SMCR8: variants seen among roughly 807,000 people sequenced by gnomAD.
SMCR8 encodes SMCR8-C9orf72 complex subunit.
A neutral mutation model predicts 56.6 loss-of-function variants in SMCR8; 30 were observed. That is an observed-to-expected ratio of 0.53 (90% CI 0.40 to 0.72). The LOEUF (loss-of-function observed/expected upper bound fraction) is 0.72, where lower values mean the gene tolerates loss of function less well. Among genes scored for constraint, SMCR8 ranks in the 30% least tolerant of loss-of-function variants. SMCR8 has a pLI of 0.00. For missense variants in SMCR8, 1,198 were observed against 1,157.0 expected (o/e 1.04, Z -0.51); for synonymous variants, 538 against 456.0 (o/e 1.18, Z -2.29).
chr17:18,315,660 C>A lies in SMCR8; in HGVS notation c.-130C>A. 1 of 848,710 alleles carries A rather than the reference C, an allele frequency of 1.2e-6. No individual in the cohort carries two copies. The highest frequency in any genetic ancestry group is 2.5e-5 in the East Asian group (1 of 40,706). The allele number at this position is 848,710 out of a possible 1,614,324, so 52.6% of individuals were successfully genotyped here. On this transcript the variant is annotated 5_prime_UTR_variant, in exon 1 of 2. Coordinates refer to ENST00000406438, the MANE Select transcript of SMCR8 (RefSeq NM_144775.3). Reference sequence around the variant, plus strand: ...GTGTGTGAGAAGCAGCCTAGGACCCCGGGTTCGGGGAGTCGCAAAGAAGGC... The same window carrying A: ...GTGTGTGAGAAGCAGCCTAGGACCCAGGGTTCGGGGAGTCGCAAAGAAGGC...
At position 18,316,911 on chromosome 17, in the gene SMCR8, C is replaced by G; in HGVS notation, c.1122C>G (p.Asp374Glu). Residue 374 changes from aspartate to glutamate, a missense_variant, in exon 1 of 2, where the codon GAC becomes GAG. Asp to Glu is a conservative substitution (Grantham distance 45). Transcript: ENST00000406438. The stretch of plus-strand genomic sequence containing the variant: ...ATATAACAAACTTTCTCTTTGAAGA[C>G]TTTGTGGAGGTCGATGACAGGATGG... ...QQHITNFLFE[D>E]FVEVDDRMVE... 1 of 1,614,188 alleles carries G rather than the reference C, an allele frequency of 6.2e-7. No homozygotes were observed. The highest frequency in any genetic ancestry group is 8.5e-7 in the Non-Finnish European group (1 of 1,180,036).
rs144205352 is a variant in SMCR8, at chr17:18,317,673, A to G, written c.1884A>G (p.Val628=). 135 of 1,614,122 alleles carry G rather than the reference A, an allele frequency of 8.4e-5. 1 individual carries two copies. The African/African-American group carries it at 1.7e-3, about 20-fold the overall frequency. ...GGCAGAAGGACCAGGGGTTCCGTGT[A>G]GACTTTTCAGTGGAAAATGCCAACC... is the stretch of plus-strand genomic sequence containing the variant. ...RHRQKDQGFR[V]DFSVENANPS... Residue 628 remains valine, a synonymous_variant, in exon 1 of 2, where the codon GTA becomes GTG. Coordinates refer to ENST00000406438, the MANE Select transcript of SMCR8 (RefSeq NM_144775.3).
intron 1 of SMCR8, among the ~76,000 whole-genome samples, chr17:18,318,538 G>A (rs1037165775): frequency 1.9e-4 from 29 of 152,198 alleles, no homozygotes; most frequent in Non-Finnish European, 3.7e-4. Flanking sequence ...TGAGTAGCTG[G>A]GATTACAGGC....
At position 18,316,574 on chromosome 17, in the gene SMCR8, A is replaced by G. The variant is rs1436200706; in HGVS notation, c.785A>G (p.Lys262Arg). ...QIRSYPHRKL[K>R]GHDLCPGEME... ...CGCTCATACCCTCATCGGAAGTTGA[A>G]GGGGCATGATTTGTGTCCTGGTGAG... is the stretch of plus-strand genomic sequence containing the variant. The change falls in exon 1 of 2, where the codon AAG becomes AGG. Residue 262 changes from lysine (K) to arginine (R), a missense_variant. By Grantham distance (26) the Lys-to-Arg change is conservative. Transcript: ENST00000406438. The G allele has an allele frequency of 6.2e-7, 1 of 1,614,176 alleles. No individual in the cohort carries two copies.
rs1982419072 is a variant in SMCR8 at position 18,319,003 on chromosome 17, C to T, written c.2360+854C>T. On this transcript the variant is annotated intron_variant, in intron 1 of 1. Transcript: ENST00000406438. Reference sequence around the variant, plus strand: ...GTGCAGCGGGCAGGTGTGGGGAGCCCTGCACCCTGGAGGGTCCCCTGCGGG... The same window carrying T: ...GTGCAGCGGGCAGGTGTGGGGAGCCTTGCACCCTGGAGGGTCCCCTGCGGG... Among the ~76,000 whole-genome samples, 9 of 152,198 alleles carry T rather than the reference C, an allele frequency of 5.9e-5. No individual in the cohort carries two copies. In the South Asian group the frequency reaches 1.7e-3, roughly 28 times the overall value.
Position 18,323,273 on chromosome 17 carries a change from G to A in SMCR8, c.*203G>A. 3.5e-6 allele frequency: 2 copies of A among 565,246 alleles called. No individual in the cohort carries two copies. The highest frequency in any genetic ancestry group is 6.3e-6 in the Non-Finnish European group (2 of 318,814). The allele number at this position is 565,246 out of a possible 1,614,324, so 35.0% of individuals were successfully genotyped here. A position where few individuals can be genotyped will look rare whatever the true frequency, so the allele number is the denominator to read the frequency against. On this transcript the variant is annotated 3_prime_UTR_variant, in exon 2 of 2. Transcript: ENST00000406438. ...TCCCTCTAAAGGCGTCTGGAGGGAT[G>A]GTGACAGCTACATTTGGCTCCCTGG... is the stretch of plus-strand genomic sequence containing the variant.
At position 18,323,074 on chromosome 17, in the gene SMCR8, C is replaced by G. The variant is rs375684610; in HGVS notation, c.*4C>G. 1 of 1,606,406 alleles carries G rather than the reference C, an allele frequency of 6.2e-7. No homozygotes were observed. The highest frequency in any genetic ancestry group is 1.1e-5 in the South Asian group (1 of 90,162). ...CAGCTTTTTGTATAAAATCTGAGGTCGGTCCCAGACACTGTGACCAAGACC... is the reference window on the plus strand; with the variant it reads ...CAGCTTTTTGTATAAAATCTGAGGTGGGTCCCAGACACTGTGACCAAGACC... On this transcript the variant is annotated 3_prime_UTR_variant, in exon 2 of 2. Transcript: ENST00000406438.
rs1432419136 is a variant in SMCR8 at position 18,317,901 on chromosome 17, G to C, written c.2112G>C (p.Lys704Asn). 1 of 1,614,066 alleles carries C rather than the reference G, an allele frequency of 6.2e-7. No homozygotes were observed. The highest frequency in any genetic ancestry group is 8.5e-7 in the Non-Finnish European group (1 of 1,180,050). The change falls in exon 1 of 2, where the codon AAG becomes AAC. Residue 704 changes from lysine (K) to asparagine (N), a missense_variant. Physicochemically the swap from Lys to Asn is moderately conservative, Grantham distance 94 (BLOSUM62 0). Coordinates refer to ENST00000406438, the MANE Select transcript of SMCR8 (RefSeq NM_144775.3). ...GCCTGTCTTCCGATAGGCATAAAAA[G>C]AGGGCTGGCCAGAACGCCTTAAAAT... The part of the protein sequence containing the change: ...PAGLSSDRHK[K>N]RAGQNALKFI...
At position 18,319,495 on chromosome 17, in the gene SMCR8, T is replaced by G. The variant is rs572106236; in HGVS notation, c.2360+1346T>G. Among the ~76,000 whole-genome samples the G allele has an allele frequency of 7.2e-5, 11 of 152,282 alleles. No homozygotes were observed. The South Asian group carries it at 2.3e-3, about 32-fold the overall frequency. On this transcript the variant is annotated intron_variant, in intron 1 of 1. Coordinates refer to ENST00000406438, the MANE Select transcript of SMCR8 (RefSeq NM_144775.3). ...GTTGCGCTGCAGAGGCTCTGCACTC[T>G]GAGCACCACGGCCCAGAAGTGTGCC...
chr17:18,318,720 C>T (rs1423168970), intron 1 of SMCR8, among the ~76,000 whole-genome samples: 1 of 152,126 alleles, frequency 6.6e-6, no homozygotes, highest in Non-Finnish European at 1.5e-5. Context: ...TTTTTAAAAT[C>T]ATGGATTCCT....
rs1292199853 is a variant in SMCR8 at position 18,315,692 on chromosome 17, G to A, written c.-98G>A. ...GGGGAGTCGCAAAGAAGGCCGTAAG[G>A]GCTTCACTTCCTTCTCCGGAGGCCT... On this transcript the variant is annotated 5_prime_UTR_variant, in exon 1 of 2. Coordinates refer to ENST00000406438, the MANE Select transcript of SMCR8 (RefSeq NM_144775.3). The A allele has an allele frequency of 8.3e-7, 1 of 1,199,522 alleles. No individual in the cohort carries two copies. The highest frequency in any genetic ancestry group is 1.5e-5 in the African/African-American group (1 of 65,722). The allele number at this position is 1,199,522 out of a possible 1,614,324, so 74.3% of individuals were successfully genotyped here. A position where few individuals can be genotyped will look rare whatever the true frequency, so the allele number is the denominator to read the frequency against.
In SMCR8 at chr17:18,324,936, G is replaced by A. The variant is rs928776640; in HGVS notation, c.*1866G>A. On this transcript the variant is annotated 3_prime_UTR_variant, in exon 2 of 2. Transcript: ENST00000406438. ...CCTTGGCAGCCTTTAAATGTGAAAC[G>A]TCTGTTACTTGCGCTGGAGGCAGAG... 5 of 152,250 alleles carry A rather than the reference G, an allele frequency of 3.3e-5. No homozygotes were observed. The highest frequency in any genetic ancestry group is 6.5e-5 in the Admixed American group (1 of 15,278). 9.4% of individuals were successfully genotyped at this position (152,250 alleles called of 1,614,324 possible).
rs894483086 is a variant in SMCR8 at position 18,324,562 on chromosome 17, T to A, written c.*1492T>A. The A allele has an allele frequency of 3.3e-5, 5 of 152,390 alleles. No homozygotes were observed. Among genetic ancestry groups the A allele is most frequent in the Admixed American group, 1.3e-4 (2 of 15,284 alleles). 9.4% of individuals were successfully genotyped at this position (152,390 alleles called of 1,614,324 possible). On this transcript the variant is annotated 3_prime_UTR_variant, in exon 2 of 2. Transcript: ENST00000406438. ...TGGCGCCTGCTGCTGAGGCCCGGCC[T>A]GCCCATCGGCCTGTAGTACGCCATC...
Position 18,316,237 on chromosome 17 carries a change from G to A in SMCR8, c.448G>A (p.Val150Met), listed in dbSNP as rs764581765. The change falls in exon 1 of 2, where the codon GTG becomes ATG. Residue 150 changes from valine to methionine, a missense_variant. Val to Met is a conservative substitution (Grantham distance 21). Transcript: ENST00000406438. ...ATACGACCTGGAGGCCCGTGGCTTC[G>A]TGAGGCCGTTTTGCATGGCTTATAT... Reference protein sequence around the residue: ...TLYDLEARGFVRPFCMAYISA... With the variant: ...TLYDLEARGFMRPFCMAYISA... The A allele has an allele frequency of 6.2e-7, 1 of 1,613,728 alleles. No homozygotes were observed. Among genetic ancestry groups the A allele is most frequent in the Non-Finnish European group, 8.5e-7 (1 of 1,180,024 alleles).
In SMCR8 at chr17:18,326,497, C is replaced by T. The variant is rs979836826; in HGVS notation, c.*3427C>T. Reference sequence around the variant, plus strand: ...CTTTTCCATAACTCATTTACTCCAACAGTTGAAGTTACACACATTGCTCCC... The same window carrying T: ...CTTTTCCATAACTCATTTACTCCAATAGTTGAAGTTACACACATTGCTCCC... On this transcript the variant is annotated 3_prime_UTR_variant, in exon 2 of 2. Transcript: ENST00000406438. 2.0e-5 allele frequency: 3 copies of T among 152,260 alleles called. No individual in the cohort carries two copies. The East Asian group carries it at 5.8e-4, about 29-fold the overall frequency. The allele number at this position is 152,260 out of a possible 1,614,324, so 9.4% of individuals were successfully genotyped here.
chr17:18,320,366 CAGTT>C (rs776196903), intron 1 of SMCR8, among the ~76,000 whole-genome samples: 2 of 152,176 alleles, frequency 1.3e-5, no homozygotes, highest in Non-Finnish European at 2.9e-5. Context: ...AGTGGAGGAA[CAGTT>C]AGAATAGCCA....
At chr17:18,320,315 G>A (rs1382539271) in intron 1 of SMCR8, among the ~76,000 whole-genome samples, 2 of 152,198 alleles carry the variant, frequency 1.3e-5, no homozygotes, top group Non-Finnish European at 1.5e-5. Flanking sequence ...GTCCCTTCCC[G>A]TGTCATCTGG....
intron 1 of SMCR8, among the ~76,000 whole-genome samples, chr17:18,320,368 G>A (rs867370319): frequency 6.6e-6 from 1 of 152,240 alleles, no homozygotes; most frequent in Admixed American, 6.5e-5. Flanking sequence ...TGGAGGAACA[G>A]TTAGAATAGC....
rs771848530 is a variant in SMCR8 at position 18,317,563 on chromosome 17, G to A, written c.1774G>A (p.Asp592Asn). Residue 592 changes from aspartate (D) to asparagine (N), a missense_variant, in exon 1 of 2, where the codon GAT becomes AAT. Physicochemically the swap from Asp to Asn is conservative, Grantham distance 23 (BLOSUM62 1). Transcript: ENST00000406438. ...DSSCCIGKES[D>N]GQLVLPSTPA... is the part of the protein sequence containing the mutation. ...CTCCTGCTGTATTGGGAAGGAGAGC[G>A]ATGGTCAGTTGGTGCTGCCCTCCAC... is the stretch of plus-strand genomic sequence containing the variant. The A allele has an allele frequency of 2.2e-5, 36 of 1,614,008 alleles. No individual in the cohort carries two copies. The highest frequency in any genetic ancestry group is 2.7e-5 in the Non-Finnish European group (32 of 1,180,052).
Sources: allele counts gnomAD v4.1 joint callset (sites outside exome capture counted in the v4.1 genomes callset), GRCh38; gene constraint gnomAD v4.1.1; transcripts MANE v1.5; gene names NCBI Gene and HGNC (gene_info 2026-07-23, HGNC 2026-07-21).